RAB11FIP5: variants seen among roughly 807,000 people sequenced by gnomAD.
RAB11FIP5 encodes the protein rab11 family-interacting protein 5.
A neutral mutation model predicts 85.1 loss-of-function variants in RAB11FIP5; 48 were observed. The observed-to-expected ratio is 0.56, with a 90% CI of 0.45 to 0.72. The LOEUF is 0.72. Ranked by LOEUF, RAB11FIP5 falls within the 30% of genes least tolerant of loss-of-function variation. RAB11FIP5 has a pLI of 0.00. For synonymous variants in RAB11FIP5, 729 were observed against 727.3 expected, an observed-to-expected ratio of 1.00 and a Z score of -0.04; for missense variants, 1,491 against 1,687.0, an observed-to-expected ratio of 0.88 and a Z score of 2.04.
intron 4 of RAB11FIP5, among the ~76,000 whole-genome samples, chr2:73,079,032 C>A (rs190364765): frequency 6.6e-6 from 1 of 152,346 alleles, no homozygotes; most frequent in Middle Eastern, 3.4e-3. Context: ...GCAACTGCTG[C>A]GCGTGGGGAA....
At chr2:73,093,008 C>G (rs1362861809) in intron 1 of RAB11FIP5, among the ~76,000 whole-genome samples, 2 of 152,192 alleles carry the variant, frequency 1.3e-5, no homozygotes, top group Admixed American at 1.3e-4. Flanking sequence ...CCTAGAGGTG[C>G]TACTTCCCTG....
chr2:73,083,445 G>C (rs1684038482), intron 3 of RAB11FIP5, among the ~76,000 whole-genome samples: 2 of 152,106 alleles, frequency 1.3e-5, no homozygotes, highest in African/African-American at 2.4e-5. Flanking sequence ...AGAGTCTCCT[G>C]ACCCTATTTT....
chr2:73,093,377 G>A (rs561540379), intron 1 of RAB11FIP5, among the ~76,000 whole-genome samples: 9 of 152,244 alleles, frequency 5.9e-5, no homozygotes, highest in East Asian at 3.9e-4. Context: ...TGGCAGCACC[G>A]TGCCCCAGGA....
intron 1 of RAB11FIP5, among the ~76,000 whole-genome samples, chr2:73,102,227 TG>T (rs1302329029): frequency 6.6e-6 from 1 of 151,958 alleles, no homozygotes; most frequent in African/African-American, 2.4e-5. Context: ...GAGCCATAAT[TG>T]TATTCTGGGC....
At chr2:73,091,856 C>G (rs947818652) in intron 1 of RAB11FIP5, among the ~76,000 whole-genome samples, 1 of 152,184 alleles carries the variant, frequency 6.6e-6, no homozygotes, top group African/African-American at 2.4e-5. Context: ...CCTCCCAAAC[C>G]TGAGAGACAA....
Position 73,075,457 on chromosome 2 carries a change from A to T in RAB11FIP5, c.*64T>A. The stretch of plus-strand genomic sequence containing the variant: ...TGCCCCACTGCAGATGAGAGAGTTC[A>T]GGAGGAGAGAGGGCAGGCAGCAATA... On this transcript the variant is annotated 3_prime_UTR_variant, in exon 6 of 6. Transcript: ENST00000486777. This position sits in a 1 kb window ranked among gnomAD's most constrained non-coding sequence, Gnocchi z 4.6. 6.8e-7 allele frequency: 1 copy of T among 1,480,748 alleles called. No individual in the cohort carries two copies. The highest frequency in any genetic ancestry group is 9.4e-7 in the Non-Finnish European group (1 of 1,058,222). 91.7% of individuals were successfully genotyped at this position (1,480,748 alleles called of 1,614,324 possible). A position where few individuals can be genotyped will look rare whatever the true frequency, so the allele number is the denominator to read the frequency against.
chr2:73,091,956 G>A (rs761480758), intron 1 of RAB11FIP5, among the ~76,000 whole-genome samples: 33 of 150,258 alleles, frequency 2.2e-4, no homozygotes, highest in Non-Finnish European at 3.7e-4. Flanking sequence ...CATAAGGCAC[G>A]GGCAGAAGTG....
chr2:73,082,411 T>C (rs1684002466), intron 3 of RAB11FIP5, among the ~76,000 whole-genome samples: 1 of 152,204 alleles, frequency 6.6e-6, no homozygotes, highest in Non-Finnish European at 1.5e-5. Context: ...CCAGAACTTA[T>C]AGGACCTAGC....
At chr2:73,102,109 G>C (rs1300301611) in intron 1 of RAB11FIP5, among the ~76,000 whole-genome samples, 5 of 152,174 alleles carry the variant, frequency 3.3e-5, no homozygotes, top group African/African-American at 1.2e-4. Flanking sequence ...CAATGGGTGG[G>C]AAAGAGGCGA....
chr2:73,091,554 C>A (rs1356255206), intron 1 of RAB11FIP5, among the ~76,000 whole-genome samples: 1 of 152,206 alleles, frequency 6.6e-6, no homozygotes, highest in East Asian at 1.9e-4. Flanking sequence ...TGCCAGCTCC[C>A]TGAGCTTCTG....
intron 1 of RAB11FIP5, among the ~76,000 whole-genome samples, chr2:73,098,031 C>A (rs1225496157): frequency 6.6e-6 from 1 of 152,206 alleles, no homozygotes; most frequent in African/African-American, 2.4e-5. Flanking sequence ...CTCTTAACAA[C>A]CCTGTGAGGT....
intron 1 of RAB11FIP5, among the ~76,000 whole-genome samples, chr2:73,105,143 G>A (rs149245692): frequency 3.1e-4 from 47 of 152,354 alleles, no homozygotes; most frequent in African/African-American, 1.0e-3. Flanking sequence ...GGTATGTGCT[G>A]ATGCCCCCAA....
In RAB11FIP5 at chr2:73,075,999, C is replaced by T; in HGVS notation, c.3765G>A (p.Arg1255=). ...PQAGQMVDTK[R]LKDSAVLDQS... is the part of the protein sequence containing the mutation. The stretch of plus-strand genomic sequence containing the variant: ...ACACCCTGCTGGGCCTTACCTTCAG[C>T]CTTTTGGTGTCCACCATCTGGCCAG... Residue 1255 remains arginine, a synonymous_variant, in exon 5 of 6, where the codon AGG becomes AGA. Transcript: ENST00000486777. The surrounding 1 kb of genome is among the most constrained non-coding windows in gnomAD (Gnocchi z 4.6). 10 of 1,612,428 alleles carry T rather than the reference C, an allele frequency of 6.2e-6. No individual in the cohort carries two copies. Among genetic ancestry groups the T allele is most frequent in the Non-Finnish European group, 8.5e-6 (10 of 1,178,710 alleles).
At chr2:73,092,438 A>C (rs1574299506) in intron 1 of RAB11FIP5, among the ~76,000 whole-genome samples, 1 of 152,156 alleles carries the variant, frequency 6.6e-6, no homozygotes, top group African/African-American at 2.4e-5. Context: ...TCCTATTTGA[A>C]TGTTTTATAA....
intron 1 of RAB11FIP5, among the ~76,000 whole-genome samples, chr2:73,107,566 G>C (rs1684553619): frequency 6.6e-6 from 1 of 152,096 alleles, no homozygotes; most frequent in Non-Finnish European, 1.5e-5. Flanking sequence ...GGGGCAGATG[G>C]GGAGGGCAGG....
rs2106129100 is a variant in RAB11FIP5, at chr2:73,112,430, C to G, written c.348G>C (p.Ser116=). The part of the protein sequence containing the change: ...CELVLTTMHR[S]LIGVDKFLGQ... ...CCAGGAACTTGTCGACGCCGATGAG[C>G]GAGCGGTGCATGGTGGTGAGCACCA... Residue 116 remains serine (S), a synonymous_variant, in exon 1 of 6, where the codon TCG becomes TCC. Transcript: ENST00000486777. 3 of 1,601,046 alleles carry G rather than the reference C, an allele frequency of 1.9e-6. No individual in the cohort carries two copies. The highest frequency in any genetic ancestry group is 2.3e-5 in the East Asian group (1 of 43,574).
intron 1 of RAB11FIP5, among the ~76,000 whole-genome samples, chr2:73,099,562 G>A (rs1684389397): frequency 6.6e-6 from 1 of 152,204 alleles, no homozygotes; most frequent in South Asian, 2.1e-4. Flanking sequence ...AGGGAACAGG[G>A]GGCCTGGTGA....
intron 1 of RAB11FIP5, among the ~76,000 whole-genome samples, chr2:73,090,223 G>A (rs1684183456): frequency 1.3e-5 from 2 of 152,058 alleles, no homozygotes. Flanking sequence ...AGTTCTTCCC[G>A]GTGCACACCC....
chr2:73,103,737 G>C (rs1377654483), intron 1 of RAB11FIP5, among the ~76,000 whole-genome samples: 1 of 152,194 alleles, frequency 6.6e-6, no homozygotes, highest in African/African-American at 2.4e-5. Flanking sequence ...GTCTATCAAA[G>C]GCCTTTTACA....
Sources: allele counts gnomAD v4.1 joint callset (sites outside exome capture counted in the v4.1 genomes callset), GRCh38; gene constraint gnomAD v4.1.1; non-coding constraint Gnocchi (gnomAD v3.1); transcripts MANE v1.5; gene names NCBI Gene and HGNC (gene_info 2026-07-23, HGNC 2026-07-21).